The following ETV6 variants were observed in gnomAD, a reference collection of about 807,000 sequenced individuals.
ETV6 encodes transcription factor ETV6.
Under a neutral mutation model 51.1 loss-of-function variants are expected in ETV6, and 16 were observed. The observed-to-expected ratio is 0.31, with a 90% CI of 0.21 to 0.48. The LOEUF (loss-of-function observed/expected upper bound fraction) is 0.48. ETV6 is among the 20% of genes least tolerant of loss of function. The probability of loss-of-function intolerance (pLI) is 0.99; values close to 1 mark genes in which losing one functional copy is unlikely to be tolerated. For missense variants in ETV6, 458 were observed against 594.8 expected (o/e 0.77, Z 2.39); for synonymous variants, 240 against 224.1 (o/e 1.07, Z -0.64).
intron 1 of ETV6, among the ~76,000 whole-genome samples, chr12:11,658,020 G>C (rs1461357819): frequency 1.3e-5 from 2 of 152,188 alleles, no homozygotes; most frequent in Non-Finnish European, 2.9e-5. Context: ...ACTTAATCAT[G>C]AACCTGTTAA....
intron 1 of ETV6, among the ~76,000 whole-genome samples, chr12:11,713,139 T>C (rs1865203710): frequency 6.6e-6 from 1 of 152,112 alleles, no homozygotes; most frequent in Non-Finnish European, 1.5e-5. Flanking sequence ...GTGGTCTAGC[T>C]CTTATGTGAT....
At position 11,838,429 on chromosome 12, in the gene ETV6, C is replaced by T. The variant is rs1023786553; in HGVS notation, c.164-711C>T. 2.6e-5 allele frequency among the ~76,000 whole-genome samples: 4 copies of T among 152,326 alleles called. No homozygotes were observed. The South Asian group carries it at 8.3e-4, about 32-fold the overall frequency. ...TCAGCCCCTGCTCTGTACCCCCCTCCTGCCCACTTGGTTCCTACTCAGAGT... is the reference window on the plus strand; with the variant it reads ...TCAGCCCCTGCTCTGTACCCCCCTCTTGCCCACTTGGTTCCTACTCAGAGT... On this transcript the variant is annotated intron_variant, in intron 2 of 7. Coordinates refer to ENST00000396373, the MANE Select transcript of ETV6 (RefSeq NM_001987.5).
chr12:11,796,777 T>TGTG (rs199766939), intron 2 of ETV6, among the ~76,000 whole-genome samples: 51 of 103,784 alleles, frequency 4.9e-4, no homozygotes, highest in African/African-American at 1.6e-3. Flanking sequence ...TTTTTTTTTT[T>TGTG]TTTGTGTGTG....
intron 1 of ETV6, among the ~76,000 whole-genome samples, chr12:11,739,033 G>A (rs1433437427): frequency 6.6e-6 from 1 of 152,080 alleles, no homozygotes; most frequent in Non-Finnish European, 1.5e-5. Context: ...GAACCAACTT[G>A]TTTTTCAGCT....
chr12:11,812,440 C>G (rs1271371631), intron 2 of ETV6, among the ~76,000 whole-genome samples: 1 of 152,192 alleles, frequency 6.6e-6, no homozygotes. Context: ...AGTAAAACCC[C>G]TTTAGCTCAC....
chr12:11,657,162 A>C (rs1219744848), intron 1 of ETV6, among the ~76,000 whole-genome samples: 1 of 152,240 alleles, frequency 6.6e-6, no homozygotes, highest in South Asian at 2.1e-4. Flanking sequence ...TTGTGGAGAT[A>C]ATATGAGGGG....
At chr12:11,818,417 A>G (rs766250099) in intron 2 of ETV6, among the ~76,000 whole-genome samples, 1 of 151,938 alleles carries the variant, frequency 6.6e-6, no homozygotes, top group Non-Finnish European at 1.5e-5. Context: ...AATCCCAGCT[A>G]TGCAGGAAGT....
At chr12:11,839,562 T>C (rs1946362090) in intron 3 of ETV6, among the ~76,000 whole-genome samples, 1 of 152,148 alleles carries the variant, frequency 6.6e-6, no homozygotes, top group African/African-American at 2.4e-5. Flanking sequence ...CACTGGAACT[T>C]AAGGGCTCTA....
chr12:11,835,730 G>A (rs975499850), intron 2 of ETV6, among the ~76,000 whole-genome samples: 1 of 152,240 alleles, frequency 6.6e-6, no homozygotes, highest in African/African-American at 2.4e-5. Context: ...AGTCTTGGAT[G>A]GGTAGGAGTC....
At chr12:11,788,756 G>GTTTTTTTTTTTTTT (rs1336998892) in intron 2 of ETV6, among the ~76,000 whole-genome samples, 1 of 102,452 alleles carries the variant, frequency 9.8e-6, no homozygotes. Flanking sequence ...GCTTGTATTG[G>GTTTTTTTTTTTTTT]TTTTTTTTTT....
chr12:11,652,259 C>T (rs975977634), intron 1 of ETV6, among the ~76,000 whole-genome samples: 6 of 152,128 alleles, frequency 3.9e-5, no homozygotes, highest in African/African-American at 1.4e-4. Context: ...TCTAGGTGAA[C>T]GTATGTGAAG....
chr12:11,658,318 C>T (rs2724630), intron 1 of ETV6, among the ~76,000 whole-genome samples: 1 of 152,222 alleles, frequency 6.6e-6, no homozygotes, highest in African/African-American at 2.4e-5. Context: ...TCACTGCAAC[C>T]TCTGCCTCCC....
At chr12:11,829,307 C>G (rs1285930074) in intron 2 of ETV6, among the ~76,000 whole-genome samples, 3 of 152,230 alleles carry the variant, frequency 2.0e-5, no homozygotes. Context: ...GTACCAGGCA[C>G]TGTGCAACAT....
intron 2 of ETV6, among the ~76,000 whole-genome samples, chr12:11,788,376 A>G (rs1412830170): frequency 6.6e-6 from 1 of 152,350 alleles, no homozygotes; most frequent in East Asian, 1.9e-4. Flanking sequence ...CTGCCTTTAA[A>G]AAAAACGAAC....
intron 2 of ETV6, among the ~76,000 whole-genome samples, chr12:11,758,371 A>C (rs1019248052): frequency 6.6e-6 from 1 of 152,180 alleles, no homozygotes; most frequent in African/African-American, 2.4e-5. Flanking sequence ...TAGCCTGTTG[A>C]GGAGGTGGCT....
At chr12:11,782,193 T>C (rs2136370797) in intron 2 of ETV6, among the ~76,000 whole-genome samples, 1 of 152,336 alleles carries the variant, frequency 6.6e-6, no homozygotes, top group African/African-American at 2.4e-5. Context: ...CCAAGTACCC[T>C]CTTTCACTTT....
intron 2 of ETV6, among the ~76,000 whole-genome samples, chr12:11,830,496 T>A (rs1353176407): frequency 6.6e-6 from 1 of 152,200 alleles, no homozygotes; most frequent in East Asian, 1.9e-4. Flanking sequence ...GATGATGGCA[T>A]GACATGGATG....
intron 1 of ETV6, among the ~76,000 whole-genome samples, chr12:11,734,918 C>T (rs184647969): frequency 3.3e-5 from 5 of 152,148 alleles, no homozygotes; most frequent in Admixed American, 3.3e-4. Flanking sequence ...AAAAGGAAAA[C>T]GTGGTCCCTA....
Position 11,691,630 on chromosome 12 carries a change from G to A in ETV6, c.33+41470G>A, listed in dbSNP as rs79094882. The stretch of plus-strand genomic sequence containing the variant: ...TTTGGGACTTACTTTTTTACTTAAC[G>A]TCTCGACTGCCAGCATTCATGTGTA... On this transcript the variant is annotated intron_variant, in intron 1 of 7. Coordinates refer to ENST00000396373, the MANE Select transcript of ETV6 (RefSeq NM_001987.5). Among the ~76,000 whole-genome samples, 995 of 152,134 alleles carry A rather than the reference G, an allele frequency of 6.5e-3. 8 individuals carry two copies. Among genetic ancestry groups the A allele is most frequent in the African/African-American group, 0.022 (928 of 41,478 alleles).
Sources: allele counts gnomAD v4.1 joint callset (sites outside exome capture counted in the v4.1 genomes callset), GRCh38; gene constraint gnomAD v4.1.1; transcripts MANE v1.5; gene names NCBI Gene and HGNC (gene_info 2026-07-23, HGNC 2026-07-21).